ANKRD24: variants seen among roughly 807,000 people sequenced by gnomAD.
ANKRD24 encodes the protein ankyrin repeat domain-containing protein 24.
In ANKRD24, 109 loss-of-function variants were observed where a neutral mutation model predicts 127.8. The ratio of observed to expected loss-of-function variants is 0.85; its 90% CI spans 0.73 to 1.00. The LOEUF is 1.00. Among genes scored for constraint, ANKRD24 ranks in the 50% least tolerant of loss-of-function variants. The probability of loss-of-function intolerance (pLI) is 0.00; values close to 1 mark genes in which losing one functional copy is unlikely to be tolerated. For missense variants in ANKRD24, 1,648 were observed against 1,570.2 expected (o/e 1.05, Z -0.84); for synonymous variants, 743 against 671.1 (o/e 1.11, Z -1.66).
intron 18 of ANKRD24, among the ~76,000 whole-genome samples, chr19:4,218,467 C>T (rs1361472974): frequency 6.6e-6 from 1 of 151,650 alleles, no homozygotes; most frequent in Non-Finnish European, 1.5e-5. Flanking sequence ...GCCCAGCTAA[C>T]TTTTGTATTT....
chr19:4,193,984 A>C (rs1204235182), intron 2 of ANKRD24, among the ~76,000 whole-genome samples: 1 of 151,838 alleles, frequency 6.6e-6, no homozygotes, highest in African/African-American at 2.4e-5. Flanking sequence ...CCAGAGGATT[A>C]ATATTTTTGG....
chr19:4,197,873 G>A (rs922599478), intron 2 of ANKRD24, among the ~76,000 whole-genome samples: 2 of 152,008 alleles, frequency 1.3e-5, no homozygotes, highest in Non-Finnish European at 2.9e-5. Context: ...GAATGAACGA[G>A]TGGGTGAACG....
chr19:4,207,252 C>G lies in ANKRD24; in HGVS notation c.477C>G (p.Gly159=), dbSNP rs530227419. ...TTTTCTCTTTTGCAGCGGCTGGTGG[C>G]TGTCTCTCCTGCTCAGAGGTGCTCT... The part of the protein sequence containing the change: ...WTALHHAAAG[G]CLSCSEVLCS... Residue 159 remains glycine (G), a synonymous_variant, in exon 8 of 22, where the codon GGC becomes GGG. Transcript: ENST00000318934. 2 of 1,613,808 alleles carry G rather than the reference C, an allele frequency of 1.2e-6. No individual in the cohort carries two copies. Among genetic ancestry groups the G allele is most frequent in the African/African-American group, 2.7e-5 (2 of 74,994 alleles).
chr19:4,224,066 G>T, intron 20 of ANKRD24, 61 bp from the exon 21 acceptor site: 1 of 1,431,836 alleles, frequency 7.0e-7, no homozygotes, highest in Non-Finnish European at 9.6e-7. Flanking sequence ...GCTTTTTGGT[G>T]TGTTTTGCTC....
intron 2 of ANKRD24, among the ~76,000 whole-genome samples, chr19:4,191,385 T>C (rs1968377082): frequency 6.6e-6 from 1 of 152,202 alleles, no homozygotes; most frequent in Non-Finnish European, 1.5e-5. Flanking sequence ...TCTCCTCCTC[T>C]CCTTAGGGCA....
intron 2 of ANKRD24, among the ~76,000 whole-genome samples, chr19:4,187,207 G>A (rs1968113249): frequency 1.3e-5 from 2 of 152,126 alleles, no homozygotes. Flanking sequence ...GAGGTCAGGA[G>A]TTCAAGACGA....
intron 18 of ANKRD24, 95 bp downstream of exon 18, chr19:4,218,258 GT>G: frequency 1.8e-6 from 2 of 1,111,860 alleles, no homozygotes; most frequent in Non-Finnish European, 2.4e-6. Context: ...GAACCCATCA[GT>G]TTTACTTGAA....
chr19:4,223,330 C>T (rs954200356), intron 20 of ANKRD24, among the ~76,000 whole-genome samples: 2 of 148,160 alleles, frequency 1.3e-5, no homozygotes, highest in Non-Finnish European at 3.0e-5. Flanking sequence ...CTCCTGGCCT[C>T]AAGCAGTTCT....
intron 1 of ANKRD24, among the ~76,000 whole-genome samples, chr19:4,184,414 C>T (rs1228993363): frequency 6.6e-6 from 1 of 152,200 alleles, no homozygotes; most frequent in Admixed American, 6.5e-5. Flanking sequence ...GAGTCCTAGC[C>T]AGGCTGCGGA....
At position 4,222,017 on chromosome 19, in the gene ANKRD24, C is replaced by T. The variant is rs113189645; in HGVS notation, c.3172-653C>T. ...CCAGATCTATAGTAATAATAAGGCC[C>T]GGCATTTATTGAGTGCCTACTGTTG... On this transcript the variant is annotated intron_variant, in intron 19 of 21. Coordinates refer to ENST00000318934, the MANE Select transcript of ANKRD24 (RefSeq NM_001393985.1). Among the ~76,000 whole-genome samples the T allele has an allele frequency of 4.6e-3, 695 of 152,258 alleles. 5 individuals carry two copies. Among genetic ancestry groups the T allele is most frequent in the African/African-American group, 0.016 (653 of 41,534 alleles).
At position 4,217,655 on chromosome 19, in the gene ANKRD24, T is replaced by G; in HGVS notation, c.2495T>G (p.Leu832Arg). ...CTGGCGGAGGAGGAGGCGCGGGGCC[T>G]GCGGGCCGAGCTGGCCCAGCGGGAG... Reference protein sequence around the residue: ...RLLAEEEARGLRAELAQREEA... With the variant: ...RLLAEEEARGRRAELAQREEA... The change falls in exon 18 of 22, where the codon CTG (leucine) becomes CGG (arginine). Residue 832 changes from leucine (L) to arginine (R), a missense_variant. Coordinates refer to ENST00000318934, the MANE Select transcript of ANKRD24 (RefSeq NM_001393985.1). 7.8e-7 allele frequency: 1 copy of G among 1,282,574 alleles called. No individual in the cohort carries two copies. The highest frequency in any genetic ancestry group is 3.3e-5 in the East Asian group (1 of 29,952). The allele number at this position is 1,282,574 out of a possible 1,614,324, so 79.4% of individuals were successfully genotyped here.
intron 2 of ANKRD24, among the ~76,000 whole-genome samples, chr19:4,192,208 T>C (rs546706195): frequency 3.2e-4 from 48 of 152,242 alleles, no homozygotes; most frequent in Non-Finnish European, 5.4e-4. Flanking sequence ...AGCTGTTCAC[T>C]TGGGGCTTCA....
rs1968643009 is a variant in ANKRD24, at chr19:4,195,195, C to T, written c.37-4488C>T. Among the ~76,000 whole-genome samples, 3 of 151,912 alleles carry T rather than the reference C, an allele frequency of 2.0e-5. No homozygotes were observed. In the South Asian group the frequency reaches 6.2e-4, roughly 31 times the overall value. On this transcript the variant is annotated intron_variant, in intron 2 of 21. Transcript: ENST00000318934. The surrounding 1 kb of genome is among the most constrained non-coding windows in gnomAD (Gnocchi z 4.2). The stretch of plus-strand genomic sequence containing the variant: ...GCACGCCATTCTCCTGCCTCAGTCT[C>T]CCGAGTAGCTGGGACTACAGGCGCC...
chr19:4,218,979 G>A (rs756317773), intron 18 of ANKRD24, among the ~76,000 whole-genome samples: 3 of 151,916 alleles, frequency 2.0e-5, no homozygotes, highest in Non-Finnish European at 4.4e-5. Flanking sequence ...TGTTGCCCAC[G>A]CTGGTCTCAA....
chr19:4,199,754 C>T lies in ANKRD24; in HGVS notation c.108C>T (p.Ala36=). Residue 36 remains alanine, a synonymous_variant, in exon 3 of 22, where the codon GCC becomes GCT. Transcript: ENST00000318934. This position sits in a 1 kb window ranked among gnomAD's most constrained non-coding sequence, Gnocchi z 5.2. The stretch of plus-strand genomic sequence containing the variant: ...CCTGCCCCATCCCGAAGCCGGCAGC[C>T]AGAGGCAGGCGCCAGGCAAGTGCCC... ...CGPCPIPKPA[A]RGRRQSQDWG... The T allele has an allele frequency of 2.6e-6, 4 of 1,537,736 alleles. No individual in the cohort carries two copies. The highest frequency in any genetic ancestry group is 3.5e-6 in the Non-Finnish European group (4 of 1,144,440).
intron 2 of ANKRD24, among the ~76,000 whole-genome samples, chr19:4,190,444 G>A (rs1446852300): frequency 6.7e-6 from 1 of 148,910 alleles, no homozygotes; most frequent in African/African-American, 2.5e-5. Context: ...AAAAAATCTG[G>A]CTCGGCATGG....
intron 2 of ANKRD24, among the ~76,000 whole-genome samples, chr19:4,190,463 G>C (rs1473835563): frequency 6.7e-6 from 1 of 150,250 alleles, no homozygotes; most frequent in Non-Finnish European, 1.5e-5. Flanking sequence ...GGTGGCTCAC[G>C]TCTGTAATCC....
chr19:4,190,873 G>A (rs352500), intron 2 of ANKRD24, among the ~76,000 whole-genome samples: 79,062 of 152,126 alleles, frequency 0.52, 21,377 homozygotes, highest in African/African-American at 0.67. Context: ...CAAGCCATAT[G>A]ATTGCTTAAT....
At position 4,217,045 on chromosome 19, in the gene ANKRD24, GAC is replaced by G. The variant is rs766970154; in HGVS notation, c.1889_1890del (p.Thr630ArgfsTer48). On this transcript the variant is annotated frameshift_variant, in exon 18 of 22. Coordinates refer to ENST00000318934, the MANE Select transcript of ANKRD24 (RefSeq NM_001393985.1). LOFTEE classifies it high-confidence loss of function. ...TAAGCCCACAGGAGCTCAGGCCACA[GAC>G]ACAGAGACCACGGGAGTGGAGGCCA... is the stretch of plus-strand genomic sequence containing the variant. ...ETKPTGAQAT[D>X]TETTGVEAMG... is the part of the protein sequence containing the mutation. The G allele has an allele frequency of 3.7e-6, 6 of 1,613,932 alleles. No homozygotes were observed. The highest frequency in any genetic ancestry group is 4.2e-6 in the Non-Finnish European group (5 of 1,179,890).
Sources: gnomAD v4.1 joint callset for allele counts (sites outside exome capture counted in the v4.1 genomes callset) on GRCh38, gnomAD v4.1.1 for gene constraint, Gnocchi (gnomAD v3.1) non-coding constraint, MANE v1.5 for transcripts, NCBI Gene and HGNC (gene_info 2026-07-23, HGNC 2026-07-21) for gene names.